The following TRPM1 variants were observed in gnomAD, a reference collection of about 807,000 sequenced individuals.
TRPM1 encodes the protein TRPM1-203 APA Isoform, Intron 10.
Under a neutral mutation model 149.4 loss-of-function variants are expected in TRPM1, and 113 were observed. That is an observed-to-expected ratio of 0.76 (90% CI 0.65 to 0.88). The LOEUF (loss-of-function observed/expected upper bound fraction) is 0.88, where lower values mean the gene tolerates loss of function less well. Among genes scored for constraint, TRPM1 ranks in the 40% least tolerant of loss-of-function variants. TRPM1 has a pLI of 0.00. For synonymous variants in TRPM1, 741 were observed against 759.5 expected, an observed-to-expected ratio of 0.98 and a Z score of 0.40; for missense variants, 1,976 against 2,038.7, an observed-to-expected ratio of 0.97 and a Z score of 0.59.
chr15:31,118,562 G>T (rs2035834070), intron 1 of TRPM1, among the ~76,000 whole-genome samples: 1 of 152,108 alleles, frequency 6.6e-6, no homozygotes, highest in Non-Finnish European at 1.5e-5. Context: ...AGAGAATATT[G>T]TAGAACGAGT....
intron 1 of TRPM1, among the ~76,000 whole-genome samples, chr15:31,109,333 C>CAAAAAAAAAAAAAAAAAA (rs36072024): frequency 9.3e-5 from 3 of 32,298 alleles, no homozygotes; most frequent in Non-Finnish European, 1.2e-4. Flanking sequence ...GACTCTGCCT[C>CAAAAAAAAAAAAAAAAAA]AAAAAAAAAA....
At chr15:31,127,320 G>T (rs1031449887) in intron 1 of TRPM1, among the ~76,000 whole-genome samples, 6 of 152,180 alleles carry the variant, frequency 3.9e-5, no homozygotes, top group Non-Finnish European at 8.8e-5. Context: ...ATTCAGAGTG[G>T]CCAAAGGCCT....
intron 2 of TRPM1, among the ~76,000 whole-genome samples, chr15:31,080,004 G>A (rs2034813741): frequency 6.6e-6 from 1 of 152,172 alleles, no homozygotes; most frequent in Admixed American, 6.5e-5. Context: ...GGTCCCTTCA[G>A]CATGAAAATA....
chr15:31,071,980 C>A lies in TRPM1; in HGVS notation c.84-1754G>T, dbSNP rs1034049429. 2.0e-3 allele frequency among the ~76,000 whole-genome samples: 157 copies of A among 77,238 alleles called. 7 individuals are homozygous for A. The highest frequency in any genetic ancestry group is 2.6e-3 in the Non-Finnish European group (118 of 45,150). 50.7% of individuals were successfully genotyped at this position (77,238 alleles called of 152,430 possible). ...CTCCGTCTCAAAAAAAAAAAAAAAA[C>A]ATATATATATATATATATATATATA... On this transcript the variant is annotated intron_variant, in intron 3 of 27. Coordinates refer to ENST00000256552, the MANE Select transcript of TRPM1 (RefSeq NM_001252024.2).
At chr15:31,143,174 A>C (rs1240623713) in intron 1 of TRPM1, among the ~76,000 whole-genome samples, 1 of 152,228 alleles carries the variant, frequency 6.6e-6, no homozygotes, top group Non-Finnish European at 1.5e-5. Context: ...AAGTCTAACA[A>C]GTATAGGCTT....
chr15:31,103,162 C>T (rs1043809781), upstream of TRPM1, among the ~76,000 whole-genome samples: 4 of 152,206 alleles, frequency 2.6e-5, no homozygotes, highest in Admixed American at 6.5e-5. Context: ...GTCAGTGGCT[C>T]TCCAGGCAGT....
At chr15:31,130,560 G>A (rs566677811) in intron 1 of TRPM1, among the ~76,000 whole-genome samples, 1 of 152,354 alleles carries the variant, frequency 6.6e-6, no homozygotes, top group African/African-American at 2.4e-5. Context: ...GAGGCTGCAA[G>A]ATTCCAAACC....
chr15:31,007,608 C>A (rs369924782), intron 27 of TRPM1, among the ~76,000 whole-genome samples: 5 of 151,112 alleles, frequency 3.3e-5, no homozygotes, highest in South Asian at 2.1e-4. Context: ...TTGAGACCAG[C>A]CTGGGAAACA....
chr15:31,037,574 C>T, intron 20 of TRPM1, 137 bp downstream of exon 20: 1 of 1,206,144 alleles, frequency 8.3e-7, no homozygotes, highest in Non-Finnish European at 1.2e-6. Flanking sequence ...TCAATTAGTC[C>T]CAGTTTTGTT....
At chr15:31,112,624 G>C (rs1381013979) in intron 1 of TRPM1, among the ~76,000 whole-genome samples, 1 of 152,124 alleles carries the variant, frequency 6.6e-6, no homozygotes, top group East Asian at 1.9e-4. Flanking sequence ...ATGAAAAGGC[G>C]TGGTGTCCAC....
At chr15:31,037,656 C>T in intron 20 of TRPM1, 55 bp downstream of exon 20, 2 of 1,613,102 alleles carry the variant, frequency 1.2e-6, no homozygotes, top group Non-Finnish European at 1.7e-6. Flanking sequence ...TTGATTCCAA[C>T]ATATCAAAGC....
intron 1 of TRPM1, among the ~76,000 whole-genome samples, chr15:31,148,820 G>T (rs2036255958): frequency 6.6e-6 from 1 of 152,192 alleles, no homozygotes; most frequent in Non-Finnish European, 1.5e-5. Flanking sequence ...CACCACCCCA[G>T]GGTAGCCTCA....
chr15:31,083,522 C>T (rs1256525559), intron 1 of TRPM1, among the ~76,000 whole-genome samples: 2 of 152,192 alleles, frequency 1.3e-5, no homozygotes, highest in Non-Finnish European at 2.9e-5. Context: ...CACCTGTGGG[C>T]CCCACCTGGG....
intron 3 of TRPM1, among the ~76,000 whole-genome samples, chr15:31,073,763 A>G (rs995100379): frequency 1.3e-5 from 2 of 152,056 alleles, no homozygotes; most frequent in African/African-American, 4.8e-5. Context: ...GTAGCGAGAG[A>G]GGACATCCTT....
chr15:31,120,487 G>C (rs551122000), intron 1 of TRPM1, among the ~76,000 whole-genome samples: 145 of 152,228 alleles, frequency 9.5e-4, no homozygotes, highest in African/African-American at 3.4e-3. Flanking sequence ...AGTAATTTAT[G>C]GATCCAACAC....
chr15:31,020,787 C>T (rs2032526342), intron 27 of TRPM1, among the ~76,000 whole-genome samples: 1 of 152,050 alleles, frequency 6.6e-6, no homozygotes, highest in Non-Finnish European at 1.5e-5. Context: ...AGATTGGGGA[C>T]CAGGATACTG....
At chr15:31,100,028 C>G (rs2035477950) in intron 1 of TRPM1, among the ~76,000 whole-genome samples, 2 of 151,986 alleles carry the variant, frequency 1.3e-5, no homozygotes, top group Admixed American at 1.3e-4. Flanking sequence ...CTTGTCAACG[C>G]AAACACAATT....
rs1258068372 is a variant in TRPM1, at chr15:31,067,860, G to A, written c.493+19C>T. 1.2e-6 allele frequency: 2 copies of A among 1,611,394 alleles called. No individual in the cohort carries two copies. Among genetic ancestry groups the A allele is most frequent in the Non-Finnish European group, 1.7e-6 (2 of 1,179,278 alleles). On this transcript the variant is annotated intron_variant, in intron 5 of 27. Transcript: ENST00000256552. ...TGGGTGGTACATTGATTATCGGGAG[G>A]GAAAGGGCCTGCTCTTACCTGTGCT... is the stretch of plus-strand genomic sequence containing the variant.
At chr15:31,123,610 T>C (rs1485143193) in intron 1 of TRPM1, among the ~76,000 whole-genome samples, 1 of 152,204 alleles carries the variant, frequency 6.6e-6, no homozygotes, top group Non-Finnish European at 1.5e-5. Flanking sequence ...ATAGTGGGAA[T>C]TGTAACATCA....
Sources: allele counts gnomAD v4.1 joint callset (sites outside exome capture counted in the v4.1 genomes callset), GRCh38; gene constraint gnomAD v4.1.1; transcripts MANE v1.5; gene names NCBI Gene and HGNC (gene_info 2026-07-23, HGNC 2026-07-21).